Variants in PAX8 observed in about 807,000 individuals in gnomAD.
PAX8 encodes paired box 8.
A neutral mutation model predicts 52.4 loss-of-function variants in PAX8; 15 were observed. The observed-to-expected ratio is 0.29, with a 90% CI of 0.19 to 0.44. The LOEUF is 0.44. Among genes scored for constraint, PAX8 ranks in the 20% least tolerant of loss-of-function variants. The probability of loss-of-function intolerance (pLI) is 1.00; values close to 1 mark genes in which losing one functional copy is unlikely to be tolerated. For synonymous variants in PAX8, 284 were observed against 249.7 expected, an observed-to-expected ratio of 1.14 and a Z score of -1.29; for missense variants, 554 against 602.5, an observed-to-expected ratio of 0.92 and a Z score of 0.84.
intron 10 of PAX8, among the ~76,000 whole-genome samples, chr2:113,222,156 G>A (rs1395776740): frequency 6.6e-6 from 1 of 152,060 alleles, no homozygotes; most frequent in Admixed American, 6.5e-5. Flanking sequence ...CTTCCACAAT[G>A]GCACTCTCTC....
Position 113,242,158 on chromosome 2 carries a change from G to A in PAX8, c.479-28C>T, listed in dbSNP as rs776595686. 5.0e-6 allele frequency: 8 copies of A among 1,605,292 alleles called. No individual in the cohort carries two copies. The African/African-American group carries it at 1.1e-4, about 21-fold the overall frequency. On this transcript the variant is annotated intron_variant, in intron 5 of 11. Transcript: ENST00000429538. The stretch of plus-strand genomic sequence containing the variant: ...GCAGTGGGGGAGAGGGAGAGGGTCA[G>A]GGGTGGGAGTGACACCCCTCACAGC...
chr2:113,274,569 A>G (rs572489717), intron 2 of PAX8: 2 of 151,536 alleles, frequency 1.3e-5, no homozygotes, highest in Non-Finnish European at 2.9e-5. Context: ...TTTTCTCCTT[A>G]TTCTTTCACT....
chr2:113,278,703 C>T (rs895635962), intron 1 of PAX8, 128 bp downstream of exon 1: 7 of 635,896 alleles, frequency 1.1e-5, no homozygotes, highest in African/African-American at 9.2e-5. Context: ...CCACTCCCTC[C>T]GCTGTCCCAG....
At position 113,218,212 on chromosome 2, in the gene PAX8, G is replaced by C. The variant is rs1689093549; in HGVS notation, c.*321C>G. 3.2e-6 allele frequency: 1 copy of C among 307,998 alleles called. No individual in the cohort carries two copies. Among genetic ancestry groups the C allele is most frequent in the Non-Finnish European group, 6.0e-6 (1 of 167,884 alleles). 19.1% of individuals were successfully genotyped at this position (307,998 alleles called of 1,614,324 possible). A position where few individuals can be genotyped will look rare whatever the true frequency, so the allele number is the denominator to read the frequency against. ...ATTCGCCATCCCCCCAAGTTCCTCG[G>C]CTATTGCTTCTTCTCTCCTTTGGTG... On this transcript the variant is annotated 3_prime_UTR_variant, in exon 12 of 12. Coordinates refer to ENST00000429538, the MANE Select transcript of PAX8 (RefSeq NM_003466.4).
chr2:113,269,079 A>AC (rs1693300002), intron 2 of PAX8: 2 of 152,414 alleles, frequency 1.3e-5, no homozygotes, highest in Admixed American at 1.3e-4. Context: ...CATACTGCCA[A>AC]AGAGATGTAA....
intron 7 of PAX8, chr2:113,239,225 G>C (rs1047532634): frequency 6.6e-6 from 1 of 152,110 alleles, no homozygotes; most frequent in Non-Finnish European, 1.5e-5. Flanking sequence ...ACGCCACCAG[G>C]CCTGGCTAAT....
intron 2 of PAX8, among the ~76,000 whole-genome samples, chr2:113,255,216 GAGGGGAGGAGGGA>G: frequency 2.9e-5 from 1 of 34,466 alleles, no homozygotes; most frequent in Non-Finnish European, 7.7e-5. Context: ...GGGAAGGAGG[GAGGGGAGGAGGGA>G]GGGGAGGAGG....
rs187850195 is a variant in PAX8, at chr2:113,235,649, C to T, written c.899-67G>A. 9.0e-4 allele frequency: 1,231 copies of T among 1,372,084 alleles called. 11 individuals carry two copies. In the African/African-American group the frequency reaches 0.015, roughly 16 times the overall value. The allele number at this position is 1,372,084 out of a possible 1,614,324, so 85.0% of individuals were successfully genotyped here. On this transcript the variant is annotated intron_variant, in intron 8 of 11. Coordinates refer to ENST00000429538, the MANE Select transcript of PAX8 (RefSeq NM_003466.4). The stretch of plus-strand genomic sequence containing the variant: ...ATGGCGGGGAGGGAACACGCACAAG[C>T]CAAGCCGTGGGATGTGGAGGGTGCG...
At chr2:113,256,675 C>T (rs1692289570) in intron 2 of PAX8, among the ~76,000 whole-genome samples, 1 of 151,238 alleles carries the variant, frequency 6.6e-6, no homozygotes, top group East Asian at 1.9e-4. Flanking sequence ...TATAGAATAA[C>T]ACCCAAACTG....
At chr2:113,222,711 C>T (rs528896405) in intron 10 of PAX8, among the ~76,000 whole-genome samples, 4 of 152,156 alleles carry the variant, frequency 2.6e-5, no homozygotes, top group Non-Finnish European at 5.9e-5. Context: ...CCTATCCCCA[C>T]ATTCCTCTCT....
intron 9 of PAX8, among the ~76,000 whole-genome samples, chr2:113,232,324 C>A (rs1689947234): frequency 6.6e-6 from 1 of 152,224 alleles, no homozygotes; most frequent in Non-Finnish European, 1.5e-5. Flanking sequence ...TTTGCCTGGA[C>A]CCCAGATCCT....
chr2:113,244,722 G>T, intron 3 of PAX8, 98 bp from the exon 4 acceptor site: 1 of 1,112,032 alleles, frequency 9.0e-7, no homozygotes. Context: ...AGGCTTCTGG[G>T]TAGGGGTATG....
intron 9 of PAX8, among the ~76,000 whole-genome samples, chr2:113,232,118 GC>G (rs1689934477): frequency 6.6e-6 from 1 of 151,938 alleles, no homozygotes; most frequent in Admixed American, 6.6e-5. Flanking sequence ...CTTCCCCACC[GC>G]CCCCCGTCAT....
At chr2:113,256,031 C>T (rs929752517) in intron 2 of PAX8, among the ~76,000 whole-genome samples, 1 of 151,470 alleles carries the variant, frequency 6.6e-6, no homozygotes, top group East Asian at 1.9e-4. Flanking sequence ...TTCTCATTGT[C>T]AAGGAGCTCA....
intron 2 of PAX8, chr2:113,268,985 T>C (rs1167199311): frequency 6.6e-6 from 1 of 152,256 alleles, no homozygotes; most frequent in East Asian, 1.9e-4. Flanking sequence ...CATGGGGACC[T>C]TCCTGGTATG....
At chr2:113,253,178 T>C (rs1391436379) in intron 2 of PAX8, among the ~76,000 whole-genome samples, 1 of 152,238 alleles carries the variant, frequency 6.6e-6, no homozygotes, top group Non-Finnish European at 1.5e-5. Flanking sequence ...AATGGGGTTC[T>C]GTTCCCTTAT....
chr2:113,260,705 C>G (rs945144729), intron 2 of PAX8, among the ~76,000 whole-genome samples: 1 of 152,132 alleles, frequency 6.6e-6, no homozygotes, highest in African/African-American at 2.4e-5. Context: ...CTCACCCGGA[C>G]AGTTGAACTA....
chr2:113,269,882 C>T (rs10864912), intron 2 of PAX8: 65,129 of 152,106 alleles, frequency 0.43, 14,115 homozygotes, highest in African/African-American at 0.45. Context: ...CAAAGACCAA[C>T]TCTATTAAAC....
Position 113,216,908 on chromosome 2 carries a change from G to A in PAX8, c.*1625C>T, listed in dbSNP as rs1405644973. ...GTTTCCTCATATGTAAAATGAAGCT[G>A]TATGTAAAACAGGGCTAATTTCAGC... On this transcript the variant is annotated 3_prime_UTR_variant, in exon 12 of 12. Transcript: ENST00000429538. 1 of 228,426 alleles carries A rather than the reference G, an allele frequency of 4.4e-6. No individual in the cohort carries two copies. Among genetic ancestry groups the A allele is most frequent in the Non-Finnish European group, 8.7e-6 (1 of 114,992 alleles). 14.1% of individuals were successfully genotyped at this position (228,426 alleles called of 1,614,324 possible). A position where few individuals can be genotyped will look rare whatever the true frequency, so the allele number is the denominator to read the frequency against.
Sources: allele counts gnomAD v4.1 joint callset (sites outside exome capture counted in the v4.1 genomes callset), GRCh38; gene constraint gnomAD v4.1.1; transcripts MANE v1.5; gene names NCBI Gene and HGNC (gene_info 2026-07-23, HGNC 2026-07-21).